TNIK: variants seen among roughly 807,000 people sequenced by gnomAD.
TNIK encodes TRAF2 and NCK-interacting protein kinase.
A neutral mutation model predicts 191.3 loss-of-function variants in TNIK; 49 were observed. The ratio of observed to expected loss-of-function variants is 0.26; its 90% CI spans 0.20 to 0.32. TNIK has a LOEUF of 0.32. TNIK is among the 10% of genes least tolerant of loss of function. The pLI, the probability that TNIK is intolerant of heterozygous loss-of-function variation, is 1.00. For synonymous variants in TNIK, 594 were observed against 600.9 expected, an observed-to-expected ratio of 0.99 and a Z score of 0.17; for missense variants, 1,155 against 1,702.3, an observed-to-expected ratio of 0.68 and a Z score of 5.66.
intron 2 of TNIK, among the ~76,000 whole-genome samples, chr3:171,299,190 T>G (rs1345052366): frequency 6.6e-6 from 1 of 152,052 alleles, no homozygotes; most frequent in Non-Finnish European, 1.5e-5. Context: ...CAAACCCCCT[T>G]CCCCTTAGGG....
chr3:171,421,049 G>C (rs1412493480), intron 1 of TNIK, among the ~76,000 whole-genome samples: 2 of 152,126 alleles, frequency 1.3e-5, no homozygotes, highest in African/African-American at 4.8e-5. Context: ...CACAGATAAG[G>C]GGGACTACAG....
At chr3:171,123,456 G>A in intron 18 of TNIK, 140 bp downstream of exon 18, 1 of 555,544 alleles carries the variant, frequency 1.8e-6, no homozygotes, top group Non-Finnish European at 3.0e-6. Context: ...CATGTGTTCT[G>A]GACCATCAAC....
At chr3:171,438,725 T>C (rs1186595403) in intron 1 of TNIK, among the ~76,000 whole-genome samples, 2 of 152,168 alleles carry the variant, frequency 1.3e-5, no homozygotes, top group Non-Finnish European at 2.9e-5. Context: ...CTCCCTGATA[T>C]GTTTTTCATA....
chr3:171,350,468 C>T lies in TNIK; in HGVS notation c.123+19152G>A, dbSNP rs78584096. On this transcript the variant is annotated intron_variant, in intron 2 of 32. Coordinates refer to ENST00000436636, the MANE Select transcript of TNIK (RefSeq NM_015028.4). ...TAGATGACTACATCTGATAATGCCA[C>T]ATTCAAATATTTTCTGTTAATTCTT... Among the ~76,000 whole-genome samples the T allele has an allele frequency of 3.8e-3, 576 of 152,190 alleles. 4 individuals carry two copies. Among genetic ancestry groups the T allele is most frequent in the African/African-American group, 0.013 (554 of 41,528 alleles).
chr3:171,195,150 C>A (rs1160020311), intron 4 of TNIK, among the ~76,000 whole-genome samples: 1 of 152,144 alleles, frequency 6.6e-6, no homozygotes, highest in Non-Finnish European at 1.5e-5. Flanking sequence ...TTGGACACAT[C>A]AAATAAATTC....
intron 1 of TNIK, among the ~76,000 whole-genome samples, chr3:171,446,957 G>A (rs1462636763): frequency 1.3e-5 from 2 of 152,236 alleles, no homozygotes; most frequent in Admixed American, 6.5e-5. Flanking sequence ...TTGGGAAGCT[G>A]AGGCGGGCGG....
At chr3:171,136,350 C>A (rs1474180740) in intron 15 of TNIK, among the ~76,000 whole-genome samples, 1 of 152,194 alleles carries the variant, frequency 6.6e-6, no homozygotes, top group Non-Finnish European at 1.5e-5. Context: ...CTCTAAGGCC[C>A]TCCTGAATTG....
At chr3:171,235,824 G>A (rs1340583093) in intron 2 of TNIK, among the ~76,000 whole-genome samples, 4 of 151,800 alleles carry the variant, frequency 2.6e-5, no homozygotes, top group Admixed American at 2.6e-4. Context: ...GAGAATCCAG[G>A]AAAAAGTATT....
chr3:171,138,450 A>G, intron 14 of TNIK, 71 bp from the exon 15 acceptor site: 1 of 1,390,370 alleles, frequency 7.2e-7, no homozygotes, highest in South Asian at 1.7e-5. Flanking sequence ...CCAGTACCAG[A>G]TAAGCATGCA....
chr3:171,234,787 A>G (rs1298086639), intron 2 of TNIK, among the ~76,000 whole-genome samples: 1 of 152,224 alleles, frequency 6.6e-6, no homozygotes, highest in Non-Finnish European at 1.5e-5. Context: ...GCCTGTACCC[A>G]GGAAAGACAC....
chr3:171,077,527 G>T lies in TNIK; in HGVS notation c.3448+1991C>A, dbSNP rs1720124725. 2.6e-5 allele frequency among the ~76,000 whole-genome samples: 4 copies of T among 152,138 alleles called. No homozygotes were observed. The South Asian group carries it at 8.3e-4, about 32-fold the overall frequency. On this transcript the variant is annotated intron_variant, in intron 28 of 32. Coordinates refer to ENST00000436636, the MANE Select transcript of TNIK (RefSeq NM_015028.4). ...CAAAAAGGCTGAGTCTTCCTGCTTG[G>T]TTGAGCTAGGACATCAGTCTTTTCT...
At chr3:171,424,983 TA>T (rs11397416) in intron 1 of TNIK, among the ~76,000 whole-genome samples, 6,951 of 148,754 alleles carry the variant, frequency 0.047, 413 homozygotes, top group African/African-American at 0.14. Flanking sequence ...TAAAGCATAA[TA>T]AAAAAAAAAA....
chr3:171,410,227 C>T (rs1370171449), intron 1 of TNIK, among the ~76,000 whole-genome samples: 2 of 152,212 alleles, frequency 1.3e-5, no homozygotes, highest in Non-Finnish European at 2.9e-5. Context: ...CACCCTAAAA[C>T]TTAGTGGCTT....
At chr3:171,249,046 C>T (rs1745930526) in intron 2 of TNIK, among the ~76,000 whole-genome samples, 1 of 152,218 alleles carries the variant, frequency 6.6e-6, no homozygotes, top group African/African-American at 2.4e-5. Flanking sequence ...ATTTTCAGAA[C>T]TCTGGTTATT....
intron 27 of TNIK, 121 bp from the exon 28 acceptor site, chr3:171,079,773 A>G: frequency 8.4e-7 from 1 of 1,188,784 alleles, no homozygotes; most frequent in Non-Finnish European, 1.1e-6. Flanking sequence ...ATGAAGGCAT[A>G]ATAACCAGTG....
intron 4 of TNIK, among the ~76,000 whole-genome samples, chr3:171,209,767 T>G (rs904826051): frequency 2.0e-5 from 3 of 152,232 alleles, no homozygotes; most frequent in Non-Finnish European, 4.4e-5. Flanking sequence ...ATGGTTCTTT[T>G]CATTTCCAAA....
chr3:171,141,156 A>G lies in TNIK; in HGVS notation c.1222-647T>C, dbSNP rs1041461982. 3.9e-5 allele frequency among the ~76,000 whole-genome samples: 6 copies of G among 152,318 alleles called. No homozygotes were observed. The East Asian group carries it at 7.7e-4, about 20-fold the overall frequency. ...ATCATCATCATCGTCATCGTCAATC[A>G]TCGTCATCACCTCATACAATTACCA... On this transcript the variant is annotated intron_variant, in intron 12 of 32. Transcript: ENST00000436636.
At chr3:171,131,657 G>C (rs1202783799) in intron 15 of TNIK, among the ~76,000 whole-genome samples, 2 of 152,170 alleles carry the variant, frequency 1.3e-5, no homozygotes, top group Non-Finnish European at 2.9e-5. Flanking sequence ...CTAAGAAAAG[G>C]GTGTAACGAT....
intron 2 of TNIK, among the ~76,000 whole-genome samples, chr3:171,253,284 A>T (rs896064227): frequency 6.9e-6 from 1 of 144,652 alleles, no homozygotes; most frequent in Non-Finnish European, 1.5e-5. Context: ...ACTGTCTCAA[A>T]AAAAAAAAAA....
Sources: gnomAD v4.1 joint callset for allele counts (sites outside exome capture counted in the v4.1 genomes callset) on GRCh38, gnomAD v4.1.1 for gene constraint, MANE v1.5 for transcripts, NCBI Gene and HGNC (gene_info 2026-07-23, HGNC 2026-07-21) for gene names.